Variants in SPAG16 observed in about 807,000 individuals in gnomAD.
The protein encoded by SPAG16 is sperm associated antigen 16, also known as sperm-associated antigen 16 protein.
A neutral mutation model predicts 80.4 loss-of-function variants in SPAG16; 86 were observed. That is an observed-to-expected ratio of 1.07 (90% CI 0.90 to 1.28). SPAG16 has a LOEUF of 1.28. SPAG16 is among the 50% of genes most tolerant of loss of function. The pLI, the probability that SPAG16 is intolerant of heterozygous loss-of-function variation, is 0.00. For missense variants in SPAG16, 870 were observed against 765.3 expected (o/e 1.14, Z -1.61); for synonymous variants, 294 against 265.9 (o/e 1.11, Z -1.03).
At chr2:214,321,013 T>C (rs1200213146) in intron 15 of SPAG16, among the ~76,000 whole-genome samples, 1 of 152,220 alleles carries the variant, frequency 6.6e-6, no homozygotes, top group Non-Finnish European at 1.5e-5. Context: ...CGTAAACATG[T>C]TGATATATTA....
At chr2:214,147,517 T>A (rs924307460) in intron 14 of SPAG16, among the ~76,000 whole-genome samples, 3 of 152,100 alleles carry the variant, frequency 2.0e-5, no homozygotes, top group African/African-American at 7.2e-5. Flanking sequence ...TTGAAAAAAA[T>A]TTCCATTCTG....
At chr2:214,147,479 TA>T (rs2055710026) in intron 14 of SPAG16, among the ~76,000 whole-genome samples, 2 of 152,138 alleles carry the variant, frequency 1.3e-5, no homozygotes, top group Non-Finnish European at 2.9e-5. Flanking sequence ...TAAATTCCGA[TA>T]AAAACTTACC....
chr2:214,214,515 T>A lies in SPAG16; in HGVS notation c.1720+65249T>A, dbSNP rs983739469. 6.6e-5 allele frequency among the ~76,000 whole-genome samples: 10 copies of A among 152,144 alleles called. No individual in the cohort carries two copies. The East Asian group carries it at 7.7e-4, about 12-fold the overall frequency. On this transcript the variant is annotated intron_variant, in intron 15 of 15. Coordinates refer to ENST00000331683, the MANE Select transcript of SPAG16 (RefSeq NM_024532.5). ...CCTTAATTCCTGTTCCTTCCTGGCA[T>A]TCTCTATTCCAGGCCTGTAGGTTTG...
intron 12 of SPAG16, among the ~76,000 whole-genome samples, chr2:213,954,793 T>A (rs13416393): frequency 0.33 from 49,836 of 152,020 alleles, 8,899 homozygotes; most frequent in South Asian, 0.47. Flanking sequence ...TTCCCAATTC[T>A]CCACATTGTT....
At chr2:213,558,338 A>G (rs1209489306) in intron 10 of SPAG16, among the ~76,000 whole-genome samples, 1 of 152,124 alleles carries the variant, frequency 6.6e-6, no homozygotes, top group Non-Finnish European at 1.5e-5. Context: ...GTAAGAAATC[A>G]TATGTTTCTA....
chr2:213,894,987 C>CAAAAAAAAA (rs71063793), intron 11 of SPAG16, among the ~76,000 whole-genome samples: 1 of 49,304 alleles, frequency 2.0e-5, no homozygotes, highest in African/African-American at 1.2e-4. Context: ...GGCTCCATCT[C>CAAAAAAAAA]AAAAAAAAAA....
chr2:214,355,401 A>C (rs906639016), intron 15 of SPAG16, among the ~76,000 whole-genome samples: 11 of 144,478 alleles, frequency 7.6e-5, no homozygotes, highest in Non-Finnish European at 1.2e-4. Context: ...ACATTTATGC[A>C]GCCAAAAAAC....
intron 9 of SPAG16, among the ~76,000 whole-genome samples, chr2:213,435,722 A>T (rs1045636713): frequency 2.0e-5 from 3 of 152,210 alleles, no homozygotes; most frequent in Non-Finnish European, 2.9e-5. Flanking sequence ...CTGATAAAAG[A>T]CACATTGTTC....
intron 10 of SPAG16, among the ~76,000 whole-genome samples, chr2:213,809,022 T>C (rs970982354): frequency 1.3e-5 from 2 of 152,186 alleles, no homozygotes; most frequent in Non-Finnish European, 2.9e-5. Flanking sequence ...AAAGGGCCTC[T>C]TGACTCATTA....
chr2:213,997,671 C>T (rs1348144151), intron 12 of SPAG16, among the ~76,000 whole-genome samples: 1 of 152,066 alleles, frequency 6.6e-6, no homozygotes, highest in African/African-American at 2.4e-5. Flanking sequence ...TTTGGCTTCC[C>T]CAGGCCACAT....
At chr2:214,368,800 G>A (rs1699641001) in intron 15 of SPAG16, among the ~76,000 whole-genome samples, 1 of 151,996 alleles carries the variant, frequency 6.6e-6, no homozygotes, top group Non-Finnish European at 1.5e-5. Flanking sequence ...ATCACACCAT[G>A]GACCTTTGTA....
chr2:213,737,697 C>A (rs1028399330), intron 10 of SPAG16, among the ~76,000 whole-genome samples: 3 of 152,078 alleles, frequency 2.0e-5, no homozygotes, highest in Admixed American at 6.6e-5. Flanking sequence ...ATCGTGTTAG[C>A]CAGGATGGTC....
intron 10 of SPAG16, among the ~76,000 whole-genome samples, chr2:213,727,930 C>A (rs1265251852): frequency 1.3e-5 from 2 of 152,016 alleles, no homozygotes; most frequent in Admixed American, 6.6e-5. Context: ...CTCACTGCAA[C>A]CTCCGTCTCC....
At chr2:213,607,763 G>T (rs1490497633) in intron 10 of SPAG16, among the ~76,000 whole-genome samples, 1 of 152,152 alleles carries the variant, frequency 6.6e-6, no homozygotes, top group Non-Finnish European at 1.5e-5. Flanking sequence ...ATTCTATCTA[G>T]GAGGGTTTCA....
chr2:213,812,487 G>C (rs1232876450), intron 10 of SPAG16, among the ~76,000 whole-genome samples: 1 of 152,192 alleles, frequency 6.6e-6, no homozygotes, highest in Non-Finnish European at 1.5e-5. Context: ...TTTTTAAAAA[G>C]TGATTAGAAT....
At chr2:213,539,085 C>T (rs12694306) in intron 10 of SPAG16, among the ~76,000 whole-genome samples, 65,650 of 151,994 alleles carry the variant, frequency 0.43, 15,016 homozygotes, top group African/African-American at 0.57. Flanking sequence ...TTAAGATTTG[C>T]CTTCTTGTGC....
chr2:214,129,398 G>T (rs888242493), intron 14 of SPAG16, among the ~76,000 whole-genome samples: 2 of 152,050 alleles, frequency 1.3e-5, no homozygotes, highest in African/African-American at 4.8e-5. Context: ...TACCTAATAT[G>T]CAGTGTCTTG....
intron 15 of SPAG16, among the ~76,000 whole-genome samples, chr2:214,252,114 G>C (rs1300554758): frequency 6.6e-6 from 1 of 152,026 alleles, no homozygotes; most frequent in Non-Finnish European, 1.5e-5. Context: ...TATAGGCCAA[G>C]TCTGTAAAAA....
chr2:213,932,261 A>G (rs2078796627), intron 12 of SPAG16, among the ~76,000 whole-genome samples: 1 of 149,098 alleles, frequency 6.7e-6, no homozygotes, highest in Admixed American at 6.8e-5. Flanking sequence ...CCCAGGCTAG[A>G]GTGCAGTGGC....
Sources: gnomAD v4.1 joint callset for allele counts (sites outside exome capture counted in the v4.1 genomes callset) on GRCh38, gnomAD v4.1.1 for gene constraint, MANE v1.5 for transcripts, NCBI Gene and HGNC (gene_info 2026-07-23, HGNC 2026-07-21) for gene names.